Variants in TMEM87A observed in about 807,000 individuals in gnomAD.
TMEM87A encodes the protein Golgi-pH regulating cation channel.
In TMEM87A, 50 loss-of-function variants were observed where a neutral mutation model predicts 90.0. That is an observed-to-expected ratio of 0.56 (90% CI 0.44 to 0.70). The LOEUF (loss-of-function observed/expected upper bound fraction) is 0.70, where lower values mean the gene tolerates loss of function less well. Ranked by LOEUF, TMEM87A falls within the 30% of genes least tolerant of loss-of-function variation. TMEM87A has a pLI of 0.00. For missense variants in TMEM87A, 577 were observed against 660.5 expected, an observed-to-expected ratio of 0.87 and a Z score of 1.39; for synonymous variants, 226 against 226.7, an observed-to-expected ratio of 1.00 and a Z score of 0.03.
intron 19 of TMEM87A, among the ~76,000 whole-genome samples, chr15:42,212,422 T>A (rs762252253): frequency 1.3e-5 from 2 of 152,194 alleles, no homozygotes; most frequent in Non-Finnish European, 2.9e-5. Context: ...TCACATCAGA[T>A]AATCTATAGA....
intron 6 of TMEM87A, among the ~76,000 whole-genome samples, chr15:42,260,591 T>G (rs1443675971): frequency 6.6e-6 from 1 of 152,238 alleles, no homozygotes; most frequent in East Asian, 1.9e-4. Context: ...TAAGGCATAT[T>G]TATAGCTTTA....
intron 2 of TMEM87A, among the ~76,000 whole-genome samples, chr15:42,271,210 A>C (rs76239043): frequency 0.018 from 2,729 of 152,344 alleles, 40 homozygotes; most frequent in Non-Finnish European, 0.026. Flanking sequence ...TTTGTTCTAC[A>C]TAATCCCTAT....
chr15:42,246,384 T>G (rs1408750351), intron 6 of TMEM87A, among the ~76,000 whole-genome samples: 1 of 152,174 alleles, frequency 6.6e-6, no homozygotes, highest in Admixed American at 6.5e-5. Flanking sequence ...CCATGTTGGT[T>G]TGTTGCACCC....
At chr15:42,213,037 T>C (rs373283836) in intron 19 of TMEM87A, among the ~76,000 whole-genome samples, 6 of 152,094 alleles carry the variant, frequency 3.9e-5, no homozygotes, top group South Asian at 4.1e-4. Context: ...TTCTGCACTA[T>C]AGGAAAGCAT....
chr15:42,243,293 TAAATAAATAAATAAATAAATAAAA>T (rs1283237819), intron 7 of TMEM87A, among the ~76,000 whole-genome samples: 8 of 92,882 alleles, frequency 8.6e-5, no homozygotes, highest in Non-Finnish European at 1.5e-4. Flanking sequence ...AATAAATAAA[TAAATAAATAAATAAATAAATAAAA>T]AAAAAGAAAG....
intron 15 of TMEM87A, among the ~76,000 whole-genome samples, chr15:42,221,265 CAG>C (rs56866797): frequency 0.89 from 130,342 of 146,374 alleles, 58,576 homozygotes; most frequent in Non-Finnish European, 0.99. Flanking sequence ...AAAGGAGAGA[CAG>C]AGACAGAGAG....
At chr15:42,272,278 T>C (rs1421530753) in intron 1 of TMEM87A, among the ~76,000 whole-genome samples, 155 bp from the exon 2 acceptor site, 5 of 152,198 alleles carry the variant, frequency 3.3e-5, no homozygotes, top group Non-Finnish European at 5.9e-5. Flanking sequence ...CAATCACTGC[T>C]CAGAATAACC....
intron 17 of TMEM87A, chr15:42,219,007 TA>T (rs1245538268): frequency 6.5e-6 from 1 of 153,158 alleles, no homozygotes. Flanking sequence ...ATAATGGCTA[TA>T]CTAACTCACA....
chr15:42,214,089 T>C (rs935229194), intron 19 of TMEM87A, among the ~76,000 whole-genome samples: 3 of 151,928 alleles, frequency 2.0e-5, no homozygotes, highest in African/African-American at 7.3e-5. Context: ...AAGTATACAA[T>C]CTACCAAGAC....
chr15:42,232,234 T>C (rs912346900), intron 11 of TMEM87A, among the ~76,000 whole-genome samples: 7 of 152,158 alleles, frequency 4.6e-5, no homozygotes, highest in African/African-American at 1.7e-4. Context: ...ATTTCTTTTC[T>C]CCTCTTTTTT....
intron 6 of TMEM87A, among the ~76,000 whole-genome samples, chr15:42,252,981 G>T (rs115838208): frequency 0.01 from 1,547 of 152,262 alleles, 31 homozygotes; most frequent in African/African-American, 0.036. Flanking sequence ...TGCTTAGTAA[G>T]TTTTCTAAAC....
At chr15:42,250,185 A>G (rs976346105) in intron 6 of TMEM87A, among the ~76,000 whole-genome samples, 7 of 152,148 alleles carry the variant, frequency 4.6e-5, no homozygotes, top group Admixed American at 1.3e-4. Context: ...GGGTATCCTG[A>G]ATACAGCACA....
intron 7 of TMEM87A, among the ~76,000 whole-genome samples, chr15:42,240,702 G>A (rs899470079): frequency 2.6e-5 from 4 of 152,108 alleles, no homozygotes; most frequent in Admixed American, 2.6e-4. Flanking sequence ...TCTGACTTGA[G>A]TGGTGATCAT....
intron 1 of TMEM87A, 106 bp from the exon 2 acceptor site, chr15:42,272,229 T>C: frequency 1.3e-6 from 1 of 741,086 alleles, no homozygotes; most frequent in South Asian, 1.9e-5. Flanking sequence ...TAAATCTTTA[T>C]GGGACGTACC....
chr15:42,267,967 T>C lies in TMEM87A; in HGVS notation c.271A>G (p.Asn91Asp), dbSNP rs766775423. The C allele has an allele frequency of 6.2e-7, 1 of 1,613,378 alleles. No homozygotes were observed. Among genetic ancestry groups the C allele is most frequent in the South Asian group, 1.1e-5 (1 of 90,988 alleles). The change falls in exon 3 of 20, where the codon AAT becomes GAT. Residue 91 changes from asparagine (N) to aspartate (D), a missense_variant. Physicochemically the swap from Asn to Asp is conservative, Grantham distance 23. Transcript: ENST00000389834. ...TWYLKSADCY[N>D]EIYNFKAEEV... Reference sequence around the variant, plus strand: ...CTTACCTTGAAGTTATAGATTTCATTGTAACAATCAGCGCTTTTCAGATAC... The same window carrying C: ...CTTACCTTGAAGTTATAGATTTCATCGTAACAATCAGCGCTTTTCAGATAC...
chr15:42,252,599 T>C (rs955691080), intron 6 of TMEM87A, among the ~76,000 whole-genome samples: 21 of 152,152 alleles, frequency 1.4e-4, no homozygotes, highest in African/African-American at 4.3e-4. Context: ...ATTCCTATTA[T>C]GTGGATGTTG....
chr15:42,264,288 G>T, intron 3 of TMEM87A, 85 bp from the exon 4 acceptor site: 1 of 836,174 alleles, frequency 1.2e-6, no homozygotes, highest in Non-Finnish European at 2.0e-6. Context: ...CAGTTCACCT[G>T]CAGTACAGAT....
At chr15:42,239,590 G>T in intron 8 of TMEM87A, 80 bp downstream of exon 8, 1 of 1,193,576 alleles carries the variant, frequency 8.4e-7, no homozygotes, top group Non-Finnish European at 1.2e-6. Context: ...TCATTAAAAA[G>T]AATACTGCCA....
At chr15:42,251,923 C>T (rs1788387537) in intron 6 of TMEM87A, among the ~76,000 whole-genome samples, 2 of 152,218 alleles carry the variant, frequency 1.3e-5, no homozygotes, top group South Asian at 2.1e-4. Flanking sequence ...ACTTCCTGGC[C>T]GCTTTTTTAC....
Sources: allele counts gnomAD v4.1 joint callset (sites outside exome capture counted in the v4.1 genomes callset), GRCh38; gene constraint gnomAD v4.1.1; transcripts MANE v1.5; gene names NCBI Gene and HGNC (gene_info 2026-07-23, HGNC 2026-07-21).